Variants in BCL2L13 observed in about 807,000 individuals in gnomAD.
BCL2L13 encodes the protein BCL2 like 13.
BCL2L13 carries 13 observed loss-of-function variants against 25.8 expected under a neutral mutation model. That is an observed-to-expected ratio of 0.50 (90% CI 0.33 to 0.80). The LOEUF (loss-of-function observed/expected upper bound fraction) is 0.80. Among genes scored for constraint, BCL2L13 ranks in the 30% least tolerant of loss-of-function variants. The pLI, the probability that BCL2L13 is intolerant of heterozygous loss-of-function variation, is 0.02. For synonymous variants in BCL2L13, 244 were observed against 230.3 expected (o/e 1.06, Z -0.54); for missense variants, 504 against 574.9 (o/e 0.88, Z 1.26).
chr22:17,679,394 C>T (rs895003963), intron 2 of BCL2L13, among the ~76,000 whole-genome samples: 7 of 150,736 alleles, frequency 4.6e-5, no homozygotes, highest in Admixed American at 6.7e-5. Context: ...CTCAGCCTAC[C>T]GAGTAGCTGT....
At chr22:17,642,276 G>T (rs909685732) in intron 1 of BCL2L13, among the ~76,000 whole-genome samples, 1 of 151,810 alleles carries the variant, frequency 6.6e-6, no homozygotes, top group East Asian at 1.9e-4. Context: ...CTCAGTAACT[G>T]TAACTCAGAG....
chr22:17,633,891 C>T (rs1034948226), upstream of BCL2L13, among the ~76,000 whole-genome samples: 3 of 151,990 alleles, frequency 2.0e-5, no homozygotes, highest in East Asian at 1.9e-4. Context: ...TGAAGCCTTC[C>T]GCTGGCTCTA....
intron 1 of BCL2L13, among the ~76,000 whole-genome samples, chr22:17,646,951 A>ATTTTT (rs1176648214): frequency 7.8e-4 from 17 of 21,894 alleles, no homozygotes; most frequent in South Asian, 4.1e-3. Context: ...ATATATATAT[A>ATTTTT]TATATTTTTT....
rs1489865821 is a variant in BCL2L13, at chr22:17,726,759, C to G, written c.683C>G (p.Pro228Arg). The change falls in exon 7 of 7, where the codon CCC (proline) becomes CGC (arginine). Residue 228 changes from proline (P) to arginine (R), a missense_variant. Physicochemically the swap from Pro to Arg is moderately radical, Grantham distance 103 (BLOSUM62 -2). Transcript: ENST00000317582. ...AEDSNDIYIL[P>R]SDNSGQVSPP... is the part of the protein sequence containing the mutation. ...GATAGCAATGACATTTACATCCTGC[C>G]CAGCGACAACTCTGGACAAGTCAGT... 2.5e-6 allele frequency: 4 copies of G among 1,614,140 alleles called. No homozygotes were observed. The highest frequency in any genetic ancestry group is 3.4e-6 in the Non-Finnish European group (4 of 1,180,032).
intron 2 of BCL2L13, among the ~76,000 whole-genome samples, chr22:17,675,402 C>T (rs551147950): frequency 5.3e-5 from 8 of 152,138 alleles, no homozygotes; most frequent in Non-Finnish European, 8.8e-5. Context: ...AAGTCTAAAA[C>T]GTGTAGGTGT....
At chr22:17,706,781 A>G (rs2145733864) in intron 6 of BCL2L13, 1 of 1,352,022 alleles carries the variant, frequency 7.4e-7, no homozygotes, top group Non-Finnish European at 9.8e-7. Flanking sequence ...TTGCTACGTT[A>G]GAAGTCTGTC....
chr22:17,646,059 A>G (rs1486748700), intron 1 of BCL2L13, among the ~76,000 whole-genome samples: 2 of 151,516 alleles, frequency 1.3e-5, no homozygotes, highest in Admixed American at 6.6e-5. Flanking sequence ...CATTTTGTAT[A>G]AGGAACTTGA....
At chr22:17,637,860 A>G (rs2058139865), upstream of BCL2L13, among the ~76,000 whole-genome samples, 1 of 152,178 alleles carries the variant, frequency 6.6e-6, no homozygotes, top group African/African-American at 2.4e-5. Flanking sequence ...TATAGATCTC[A>G]TAACATAGAA....
At position 17,729,710 on chromosome 22, in the gene BCL2L13, T is replaced by C. The variant is rs2061371276; in HGVS notation, c.*2176T>C. 6.6e-6 allele frequency: 1 copy of C among 152,236 alleles called. No individual in the cohort carries two copies. Among genetic ancestry groups the C allele is most frequent in the Admixed American group, 6.5e-5 (1 of 15,284 alleles). The allele number at this position is 152,236 out of a possible 1,614,324, so 9.4% of individuals were successfully genotyped here. ...GTATGGAAGCGGCTACTTGCTGCTT[T>C]ATTTTCCCACCTGTTAGACATTCCT... On this transcript the variant is annotated 3_prime_UTR_variant, in exon 7 of 7. Coordinates refer to ENST00000317582, the MANE Select transcript of BCL2L13 (RefSeq NM_015367.4).
intron 2 of BCL2L13, among the ~76,000 whole-genome samples, chr22:17,657,514 T>C (rs1369319000): frequency 6.6e-6 from 1 of 151,652 alleles, no homozygotes; most frequent in Admixed American, 6.6e-5. Context: ...GTGACATTTC[T>C]TTTTTTCTTT....
At chr22:17,701,557 A>G (rs1457373496) in intron 5 of BCL2L13, among the ~76,000 whole-genome samples, 1 of 152,188 alleles carries the variant, frequency 6.6e-6, no homozygotes, top group African/African-American at 2.4e-5. Context: ...TTTAACAACT[A>G]TATATTTTAC....
At chr22:17,652,760 T>C (rs548317435) in intron 1 of BCL2L13, among the ~76,000 whole-genome samples, 12 of 152,156 alleles carry the variant, frequency 7.9e-5, no homozygotes, top group Admixed American at 5.9e-4. Context: ...GAATACCATA[T>C]TGAAAGTGAA....
At chr22:17,710,879 AAAAAAT>A (rs1312581426) in intron 6 of BCL2L13, among the ~76,000 whole-genome samples, 9 of 152,034 alleles carry the variant, frequency 5.9e-5, no homozygotes, top group African/African-American at 2.2e-4. Flanking sequence ...TCCGTCTCAA[AAAAAAT>A]AAAAATAAAA....
intron 2 of BCL2L13, among the ~76,000 whole-genome samples, chr22:17,673,719 T>C (rs1319963724): frequency 6.6e-6 from 1 of 152,150 alleles, no homozygotes; most frequent in Non-Finnish European, 1.5e-5. Flanking sequence ...CCTCAAAATA[T>C]ACTGATAACT....
chr22:17,656,373 CAG>C lies in BCL2L13; in HGVS notation c.121+544_121+545del, dbSNP rs1277496378. On this transcript the variant is annotated intron_variant, in intron 2 of 6. Coordinates refer to ENST00000317582, the MANE Select transcript of BCL2L13 (RefSeq NM_015367.4). ...TTTTTTTTTTTTTTTTTTTTTGGGACAGAGTCTCACTCTCTCTCTAAGGCTGG... is the reference window on the plus strand; with the variant it reads ...TTTTTTTTTTTTTTTTTTTTTGGGACAGTCTCACTCTCTCTCTAAGGCTGG... 4.3e-3 allele frequency among the ~76,000 whole-genome samples: 297 copies of C among 69,294 alleles called. 2 individuals are homozygous for C. Among genetic ancestry groups the C allele is most frequent in the Non-Finnish European group, 6.3e-3 (266 of 42,026 alleles). The allele number at this position is 69,294 out of a possible 152,430, so 45.5% of individuals were successfully genotyped here.
intron 2 of BCL2L13, among the ~76,000 whole-genome samples, chr22:17,669,404 T>A (rs1199204976): frequency 2.0e-5 from 3 of 152,148 alleles, no homozygotes. Flanking sequence ...CTCAAACTGC[T>A]TCCACTCATG....
At chr22:17,632,281 C>G (rs138077940) in intron 1 of BCL2L13, among the ~76,000 whole-genome samples, 3 of 151,930 alleles carry the variant, frequency 2.0e-5, no homozygotes, top group Admixed American at 6.6e-5. Context: ...GATTGGTGTA[C>G]ATATTGGTAT....
At position 17,730,553 on chromosome 22, in the gene BCL2L13, T is replaced by C. The variant is rs1022581274; in HGVS notation, c.*3019T>C. 2 of 152,216 alleles carry C rather than the reference T, an allele frequency of 1.3e-5. No homozygotes were observed. Among genetic ancestry groups the C allele is most frequent in the African/African-American group, 4.8e-5 (2 of 41,462 alleles). The allele number at this position is 152,216 out of a possible 1,614,324, so 9.4% of individuals were successfully genotyped here. ...TGCCTTTCTCCTGAAAGGTATGAGA[T>C]GTGGACATTTCAGTGTTTGAATTAT... is the stretch of plus-strand genomic sequence containing the variant. On this transcript the variant is annotated 3_prime_UTR_variant, in exon 7 of 7. Transcript: ENST00000317582.
intron 1 of BCL2L13, among the ~76,000 whole-genome samples, chr22:17,649,731 G>A (rs531136463): frequency 6.6e-6 from 1 of 151,874 alleles, no homozygotes; most frequent in Admixed American, 6.6e-5. Context: ...TTAAACTCCT[G>A]ACCTTAGGTG....
Sources: gnomAD v4.1 joint callset for allele counts (sites outside exome capture counted in the v4.1 genomes callset) on GRCh38, gnomAD v4.1.1 for gene constraint, MANE v1.5 for transcripts, NCBI Gene and HGNC (gene_info 2026-07-23, HGNC 2026-07-21) for gene names.